CRBN: variants seen among roughly 807,000 people sequenced by gnomAD.
CRBN encodes the protein cereblon, also known as protein cereblon.
Under a neutral mutation model 62.2 loss-of-function variants are expected in CRBN, and 53 were observed. That is an observed-to-expected ratio of 0.85 (90% CI 0.68 to 1.07). The LOEUF (loss-of-function observed/expected upper bound fraction) is 1.07, where lower values mean the gene tolerates loss of function less well. CRBN is among the 50% of genes least tolerant of loss of function. The probability of loss-of-function intolerance (pLI) is 0.00; values close to 1 mark genes in which losing one functional copy is unlikely to be tolerated. For synonymous variants in CRBN, 208 were observed against 176.1 expected, an observed-to-expected ratio of 1.18 and a Z score of -1.43; for missense variants, 616 against 531.1, an observed-to-expected ratio of 1.16 and a Z score of -1.57.
chr3:3,156,254 A>T lies in CRBN; in HGVS notation c.715T>A (p.Ser239Thr). ...AAGGAATACAGCCAGCGAGGCCATG[A>T]AGTTAGATTTGCACAATGAAACTTT... ...KRKFHCANLT[S>T]WPRWLYSLYD... The change falls in exon 6 of 11, where the codon TCA (serine) becomes ACA (threonine). Residue 239 changes from serine to threonine, a missense_variant. Ser to Thr is a moderately conservative substitution (Grantham distance 58, BLOSUM62 1). Coordinates refer to ENST00000231948, the MANE Select transcript of CRBN (RefSeq NM_016302.4). 1 of 1,614,118 alleles carries T rather than the reference A, an allele frequency of 6.2e-7. No homozygotes were observed. The highest frequency in any genetic ancestry group is 8.5e-7 in the Non-Finnish European group (1 of 1,179,976).
At chr3:3,171,789 C>T (rs1444013668) in intron 4 of CRBN, among the ~76,000 whole-genome samples, 7 of 152,176 alleles carry the variant, frequency 4.6e-5, no homozygotes, top group Admixed American at 6.5e-5. Context: ...TCCCCCACCC[C>T]GCCCAAAAAA....
chr3:3,179,306 C>T (rs911401735), intron 1 of CRBN, among the ~76,000 whole-genome samples: 1 of 152,190 alleles, frequency 6.6e-6, no homozygotes, highest in African/African-American at 2.4e-5. Context: ...CTGACCCGGT[C>T]CTCTAGTTTC....
At chr3:3,153,913 C>G (rs1386812297) in intron 8 of CRBN, 47 bp downstream of exon 8, 1 of 1,204,108 alleles carries the variant, frequency 8.3e-7, no homozygotes, top group African/African-American at 1.5e-5. Context: ...CCTAGTTCTC[C>G]AGCCTGAATA....
chr3:3,157,813 G>C lies in CRBN; in HGVS notation c.688-1532C>G, dbSNP rs150956963. On this transcript the variant is annotated intron_variant, in intron 5 of 10. Coordinates refer to ENST00000231948, the MANE Select transcript of CRBN (RefSeq NM_016302.4). ...GTTTTAACAGAAGACTAGAATCTAT[G>C]AGACAATGTTATTCTATTCCATGCT... Among the ~76,000 whole-genome samples, 299 of 152,302 alleles carry C rather than the reference G, an allele frequency of 2.0e-3. 1 individual carries two copies. Among genetic ancestry groups the C allele is most frequent in the Middle Eastern group, 0.014 (4 of 294 alleles).
At chr3:3,151,549 A>G (rs1177546963) in intron 10 of CRBN, among the ~76,000 whole-genome samples, 1 of 152,102 alleles carries the variant, frequency 6.6e-6, no homozygotes, top group African/African-American at 2.4e-5. Flanking sequence ...CAGAAATACA[A>G]ACCATGGTAT....
At chr3:3,174,693 T>C (rs1359148526) in intron 2 of CRBN, among the ~76,000 whole-genome samples, 1 of 151,158 alleles carries the variant, frequency 6.6e-6, no homozygotes, top group Non-Finnish European at 1.5e-5. Context: ...TTAATAAACG[T>C]GGTATATAAG....
chr3:3,159,495 CTGAAA>C (rs1707049646), intron 5 of CRBN, among the ~76,000 whole-genome samples: 1 of 152,130 alleles, frequency 6.6e-6, no homozygotes, highest in Non-Finnish European at 1.5e-5. Flanking sequence ...GAAAAAGAAT[CTGAAA>C]TAATATGTAA....
intron 5 of CRBN, among the ~76,000 whole-genome samples, chr3:3,165,546 G>C (rs1457015414): frequency 6.6e-6 from 1 of 152,080 alleles, no homozygotes; most frequent in Non-Finnish European, 1.5e-5. Context: ...TTCACTGAAG[G>C]CTCAGATGCT....
chr3:3,163,501 A>T (rs1707217388), intron 5 of CRBN, among the ~76,000 whole-genome samples: 1 of 152,212 alleles, frequency 6.6e-6, no homozygotes, highest in Non-Finnish European at 1.5e-5. Flanking sequence ...AAGATGCTTT[A>T]ACCATAGAAC....
At chr3:3,151,325 C>G (rs1237980769) in intron 10 of CRBN, among the ~76,000 whole-genome samples, 2 of 152,066 alleles carry the variant, frequency 1.3e-5, no homozygotes, top group African/African-American at 4.8e-5. Context: ...ATAGAAATTG[C>G]TGGTTGCCAA....
Position 3,154,424 on chromosome 3 carries a change from CTTCTT to C in CRBN, c.835+318_835+322del, listed in dbSNP as rs1395677613. Reference sequence around the variant, plus strand: ...AAGGCAAGTCCTGGAACTAGACTCACTTCTTTTAAAGGCACCTTGAAGAACAGGGA... The same window carrying C: ...AAGGCAAGTCCTGGAACTAGACTCACTTAAAGGCACCTTGAAGAACAGGGA... On this transcript the variant is annotated intron_variant, in intron 7 of 10. Coordinates refer to ENST00000231948, the MANE Select transcript of CRBN (RefSeq NM_016302.4). 4.4e-5 allele frequency: 20 copies of C among 455,336 alleles called. No homozygotes were observed. The East Asian group carries it at 4.5e-4, about 10-fold the overall frequency. 28.2% of individuals were successfully genotyped at this position (455,336 alleles called of 1,614,324 possible).
intron 1 of CRBN, among the ~76,000 whole-genome samples, chr3:3,179,245 C>T (rs1164927934): frequency 6.6e-6 from 1 of 152,208 alleles, no homozygotes; most frequent in Non-Finnish European, 1.5e-5. Flanking sequence ...TACATGTTAG[C>T]TGTCACTCTT....
chr3:3,174,248 T>TA lies in CRBN; in HGVS notation c.187_188insT (p.Asp63ValfsTer13). ...AGTCCTGCCATGAAATTCTTCCATA[T>TA]CAGCACCTAGGTACTATATAAAAAC... On this transcript the variant is annotated frameshift_variant, in exon 3 of 11. Coordinates refer to ENST00000231948, the MANE Select transcript of CRBN (RefSeq NM_016302.4). LOFTEE classifies it high-confidence loss of function. 6.2e-7 allele frequency: 1 copy of TA among 1,613,364 alleles called. No homozygotes were observed.
rs774317257 is a variant in CRBN at position 3,172,778 on chromosome 3, A to C, written c.525T>G (p.Asp175Glu). ...TTAAGGTATATGTTATTTCTTACCC[A>C]TCTGACTGTGTTCTTAGCTCAAGGA... ...FKVLELRTQS[D>E]GIQQAKVQIL... The change falls in exon 4 of 11, where the codon GAT (aspartate) becomes GAG (glutamate). Residue 175 changes from aspartate (D) to glutamate (E), a missense_variant and splice_region_variant. Coordinates refer to ENST00000231948, the MANE Select transcript of CRBN (RefSeq NM_016302.4). 6.2e-7 allele frequency: 1 copy of C among 1,613,546 alleles called. No homozygotes were observed. The highest frequency in any genetic ancestry group is 8.5e-7 in the Non-Finnish European group (1 of 1,179,568).
intron 5 of CRBN, among the ~76,000 whole-genome samples, chr3:3,160,216 A>C (rs1401343702): frequency 3.3e-5 from 5 of 152,204 alleles, no homozygotes; most frequent in African/African-American, 9.6e-5. Flanking sequence ...CATTTAAGTG[A>C]GTCTTTGAAG....
At position 3,151,620 on chromosome 3, in the gene CRBN, C is replaced by G. The variant is rs551822579; in HGVS notation, c.1149-575G>C. Among the ~76,000 whole-genome samples the G allele has an allele frequency of 2.6e-5, 4 of 152,270 alleles. No homozygotes were observed. In the East Asian group the frequency reaches 7.7e-4, roughly 29 times the overall value. Reference sequence around the variant, plus strand: ...TTCCTTATTTTTTTCCCTAGGTATACCATGCCACATTTATTTATAGTAACA... The same window carrying G: ...TTCCTTATTTTTTTCCCTAGGTATAGCATGCCACATTTATTTATAGTAACA... On this transcript the variant is annotated intron_variant, in intron 10 of 10. Coordinates refer to ENST00000231948, the MANE Select transcript of CRBN (RefSeq NM_016302.4).
At chr3:3,168,056 T>G (rs1230109804) in intron 4 of CRBN, among the ~76,000 whole-genome samples, 4 of 152,122 alleles carry the variant, frequency 2.6e-5, no homozygotes, top group Non-Finnish European at 4.4e-5. Context: ...TCTACACATT[T>G]CAGATAAATA....
chr3:3,174,977 TACC>T (rs1195648640), intron 2 of CRBN, among the ~76,000 whole-genome samples, 183 bp downstream of exon 2: 1 of 152,176 alleles, frequency 6.6e-6, no homozygotes, highest in South Asian at 2.1e-4. Flanking sequence ...CAAACAATTC[TACC>T]ACAACATAGT....
intron 6 of CRBN, chr3:3,155,979 G>T (rs538843888): frequency 1.8e-4 from 82 of 453,716 alleles, no homozygotes; most frequent in Non-Finnish European, 3.2e-4. Context: ...GCTAATTTTT[G>T]TATTTGTAGA....
Sources: allele counts gnomAD v4.1 joint callset (sites outside exome capture counted in the v4.1 genomes callset), GRCh38; gene constraint gnomAD v4.1.1; transcripts MANE v1.5; gene names NCBI Gene and HGNC (gene_info 2026-07-23, HGNC 2026-07-21).